Variants in ARMC2 observed in about 807,000 individuals in gnomAD.
The protein encoded by ARMC2 is armadillo repeat containing 2.
Under a neutral mutation model 90.3 loss-of-function variants are expected in ARMC2, and 67 were observed. That is an observed-to-expected ratio of 0.74 (90% CI 0.61 to 0.91). The LOEUF (loss-of-function observed/expected upper bound fraction) is 0.91, where lower values mean the gene tolerates loss of function less well. Ranked by LOEUF, ARMC2 falls within the 40% of genes least tolerant of loss-of-function variation. ARMC2 has a pLI of 0.00. For synonymous variants in ARMC2, 393 were observed against 393.0 expected (o/e 1.00, Z 0.00); for missense variants, 920 against 1,030.9 (o/e 0.89, Z 1.47).
chr6:109,040,387 G>C, the ARMC2 span, among the ~76,000 whole-genome samples: 3 of 152,120 alleles, frequency 2.0e-5, no homozygotes, highest in Non-Finnish European at 4.4e-5. Flanking sequence ...GGATTAAAAG[G>C]TTTCATTTAT....
At chr6:108,853,345 CT>C (rs924237944) in intron 1 of ARMC2, among the ~76,000 whole-genome samples, 1 of 152,058 alleles carries the variant, frequency 6.6e-6, no homozygotes, top group African/African-American at 2.4e-5. Flanking sequence ...GAAATGGAAT[CT>C]TTTTAGTTTC....
rs1208819503 is a variant in ARMC2 at position 108,899,805 on chromosome 6, C to T, written c.847+13C>T. Reference sequence around the variant, plus strand: ...GAATTAGAAAAGGGTAAAACACAAACAAACAAACAAAAAACCGTTTTTGTT... The same window carrying T: ...GAATTAGAAAAGGGTAAAACACAAATAAACAAACAAAAAACCGTTTTTGTT... On this transcript the variant is annotated intron_variant, in intron 7 of 17. Transcript: ENST00000392644. 1 of 1,569,010 alleles carries T rather than the reference C, an allele frequency of 6.4e-7. No individual in the cohort carries two copies. The highest frequency in any genetic ancestry group is 8.6e-7 in the Non-Finnish European group (1 of 1,160,686).
the ARMC2 span, among the ~76,000 whole-genome samples, chr6:109,012,734 G>A: frequency 6.6e-6 from 1 of 152,254 alleles, no homozygotes; most frequent in Non-Finnish European, 1.5e-5. Context: ...AAAAAGGAAA[G>A]AGTGATCCAT....
chr6:108,920,336 C>G (rs573698045), intron 10 of ARMC2, among the ~76,000 whole-genome samples: 1 of 152,022 alleles, frequency 6.6e-6, no homozygotes, highest in Admixed American at 6.6e-5. Context: ...ATTACAGGCA[C>G]GTGCCGCCAC....
chr6:108,932,893 G>A lies in ARMC2; in HGVS notation c.1497-4007G>A, dbSNP rs145066238. On this transcript the variant is annotated intron_variant, in intron 11 of 17. Transcript: ENST00000392644. ...GTTGTAGGTATGCAGCCTTATTTCT[G>A]GGCTCTCTGTTCTGTTCCCTTGGTC... 3.6e-4 allele frequency among the ~76,000 whole-genome samples: 55 copies of A among 152,118 alleles called. 1 individual carries two copies. In the East Asian group the frequency reaches 9.1e-3, roughly 25 times the overall value.
At chr6:108,907,035 G>C (rs571767765) in intron 8 of ARMC2, among the ~76,000 whole-genome samples, 1 of 152,070 alleles carries the variant, frequency 6.6e-6, no homozygotes, top group Non-Finnish European at 1.5e-5. Flanking sequence ...ATAATTTTAC[G>C]GTTAACAATG....
At chr6:109,046,702 C>T in the ARMC2 span, among the ~76,000 whole-genome samples, 281 of 135,622 alleles carry the variant, frequency 2.1e-3, 6 homozygotes, top group Non-Finnish European at 3.4e-3. Flanking sequence ...GGCCGCCCAT[C>T]GTCTGAGATG....
chr6:108,954,614 ACT>A (rs947142762), intron 13 of ARMC2, among the ~76,000 whole-genome samples: 3 of 152,050 alleles, frequency 2.0e-5, no homozygotes, highest in East Asian at 1.9e-4. Flanking sequence ...ACACAGTGAG[ACT>A]CTGTCTCCAG....
chr6:108,973,534 A>G lies in ARMC2; in HGVS notation c.*20A>G. 1 of 1,587,924 alleles carries G rather than the reference A, an allele frequency of 6.3e-7. No homozygotes were observed. Among genetic ancestry groups the G allele is most frequent in the East Asian group, 2.2e-5 (1 of 44,566 alleles). On this transcript the variant is annotated 3_prime_UTR_variant, in exon 18 of 18. Transcript: ENST00000392644. ...TTCTAACATGATGCAGATTAACAGT[A>G]GAAACGAGAACTCACGTCTCCCTCA...
intron 12 of ARMC2, among the ~76,000 whole-genome samples, chr6:108,952,048 G>C (rs560766955): frequency 6.6e-6 from 1 of 152,308 alleles, no homozygotes; most frequent in South Asian, 2.1e-4. Context: ...CCAGGCCCTA[G>C]TTTCTTGTCT....
At chr6:109,051,420 T>C in the ARMC2 span, among the ~76,000 whole-genome samples, 1 of 152,224 alleles carries the variant, frequency 6.6e-6, no homozygotes, top group Non-Finnish European at 1.5e-5. Flanking sequence ...CAACATTGTA[T>C]ATTAGTGAGT....
At chr6:108,866,746 G>T (rs1775858886) in intron 3 of ARMC2, among the ~76,000 whole-genome samples, 1 of 152,038 alleles carries the variant, frequency 6.6e-6, no homozygotes, top group African/African-American at 2.4e-5. Flanking sequence ...ATATTATGAT[G>T]ATTATTTTAT....
intron 8 of ARMC2, chr6:108,907,637 T>G (rs777592165): frequency 2.0e-4 from 314 of 1,593,224 alleles, no homozygotes; most frequent in Admixed American, 3.5e-4. Flanking sequence ...CCACTCGTGC[T>G]TGAGATGCTT....
the ARMC2 span, chr6:109,008,673 G>A: frequency 1.0e-3 from 586 of 584,096 alleles, 1 homozygote; most frequent in Non-Finnish European, 1.0e-3. Flanking sequence ...TTTTACCTAA[G>A]GTTACATTAG....
the ARMC2 span, among the ~76,000 whole-genome samples, chr6:109,045,628 A>G: frequency 0.048 from 7,341 of 152,244 alleles, 343 homozygotes; most frequent in African/African-American, 0.12. Flanking sequence ...CTCCTTAGTC[A>G]GGCTTCAAGA....
chr6:109,038,845 A>T, the ARMC2 span, among the ~76,000 whole-genome samples: 1 of 152,016 alleles, frequency 6.6e-6, no homozygotes, highest in South Asian at 2.1e-4. Context: ...AAAGAAAGGA[A>T]AAAGAAGAGC....
intron 5 of ARMC2, among the ~76,000 whole-genome samples, chr6:108,884,907 G>A (rs1309462203): frequency 6.6e-6 from 1 of 152,182 alleles, no homozygotes; most frequent in East Asian, 1.9e-4. Flanking sequence ...GGAAAGCAGA[G>A]ATGGAACCCT....
At chr6:108,953,704 C>T (rs1562424880) in intron 13 of ARMC2, among the ~76,000 whole-genome samples, 1 of 152,122 alleles carries the variant, frequency 6.6e-6, no homozygotes. Context: ...GTTTAAAATT[C>T]CAAATATTTG....
the ARMC2 span, among the ~76,000 whole-genome samples, chr6:109,006,627 C>T: frequency 6.6e-6 from 1 of 152,078 alleles, no homozygotes; most frequent in Non-Finnish European, 1.5e-5. Context: ...TTCTTTTGAG[C>T]CTCTTTAAGA....
Sources: gnomAD v4.1 joint callset for allele counts (sites outside exome capture counted in the v4.1 genomes callset) on GRCh38, gnomAD v4.1.1 for gene constraint, MANE v1.5 for transcripts, NCBI Gene and HGNC (gene_info 2026-07-23, HGNC 2026-07-21) for gene names.